The following IQSEC1 variants were observed in gnomAD, a reference collection of about 807,000 sequenced individuals.
IQSEC1 encodes the protein IQ motif and Sec7 domain ArfGEF 1, also known as IQ motif and SEC7 domain-containing protein 1.
A neutral mutation model predicts 91.0 loss-of-function variants in IQSEC1; 31 were observed. The ratio of observed to expected loss-of-function variants is 0.34; its 90% CI spans 0.26 to 0.46. The LOEUF (loss-of-function observed/expected upper bound fraction) is 0.46. Ranked by LOEUF, IQSEC1 falls within the 20% of genes least tolerant of loss-of-function variation. The pLI is 1.00. For missense variants in IQSEC1, 1,388 were observed against 1,575.6 expected (o/e 0.88, Z 2.02); for synonymous variants, 699 against 662.6 (o/e 1.05, Z -0.84).
intron 1 of IQSEC1, among the ~76,000 whole-genome samples, chr3:13,030,351 T>TA (rs1703798820): frequency 6.6e-6 from 1 of 152,212 alleles, no homozygotes; most frequent in African/African-American, 2.4e-5. Context: ...CCTCCTGCCT[T>TA]GGCCTCCCAA....
At position 13,073,018 on chromosome 3, in the gene IQSEC1, G is replaced by C; in HGVS notation, c.-4C>G. ...AATAGCGTCTTCTGCAAGCCATCCT[G>C]TGTGAATCCGTTCTTCCCTGTTCTG... On this transcript the variant is annotated 5_prime_UTR_variant, in exon 1 of 14. Coordinates refer to ENST00000613206, the MANE Select transcript of IQSEC1 (RefSeq NM_001134382.3). The C allele has an allele frequency of 6.4e-7, 1 of 1,551,758 alleles. No individual in the cohort carries two copies. The highest frequency in any genetic ancestry group is 8.7e-7 in the Non-Finnish European group (1 of 1,146,986).
At position 12,983,519 on chromosome 3, in the gene IQSEC1, C is replaced by T. The variant is rs1576109971; in HGVS notation, c.24-41654G>A. 6.6e-6 allele frequency among the ~76,000 whole-genome samples: 1 copy of T among 152,184 alleles called. No individual in the cohort carries two copies. Among genetic ancestry groups the T allele is most frequent in the African/African-American group, 2.4e-5 (1 of 41,440 alleles). On this transcript the variant is annotated intron_variant, in intron 1 of 13. Transcript: ENST00000613206. The surrounding 1 kb of genome is among the most constrained non-coding windows in gnomAD (Gnocchi z 4.3). ...TGCTGGAGAACTGCAGCCTGGCCTT[C>T]CTAGCCCCGAGACAGAGCGGCCAGG...
intron 2 of IQSEC1, among the ~76,000 whole-genome samples, chr3:13,094,641 TAC>T (rs528559942): frequency 6.6e-4 from 100 of 152,244 alleles, no homozygotes; most frequent in African/African-American, 2.1e-3. Context: ...CCCCTCATAA[TAC>T]AGTTGTGGAA....
At chr3:13,254,724 C>T (rs1695256850) in intron 1 of IQSEC1, among the ~76,000 whole-genome samples, 1 of 152,238 alleles carries the variant, frequency 6.6e-6, no homozygotes. Context: ...GGTTCTACCA[C>T]TCTACTGCCC....
chr3:12,941,959 G>A, intron 1 of IQSEC1, 94 bp from the exon 2 acceptor site: 2 of 1,193,520 alleles, frequency 1.7e-6, no homozygotes, highest in Non-Finnish European at 2.3e-6. Context: ...GCTCCTGGAG[G>A]AGCCCCCATG....
At chr3:13,138,842 G>T (rs1409585141) in intron 2 of IQSEC1, among the ~76,000 whole-genome samples, 1 of 151,806 alleles carries the variant, frequency 6.6e-6, no homozygotes, top group Non-Finnish European at 1.5e-5. Context: ...TCCCAGCTGG[G>T]AAGAACCTTC....
At chr3:13,088,381 A>G (rs981894329) in intron 2 of IQSEC1, among the ~76,000 whole-genome samples, 3 of 152,060 alleles carry the variant, frequency 2.0e-5, no homozygotes, top group African/African-American at 7.2e-5. Flanking sequence ...CACATCTATG[A>G]GAGCACAAGC....
chr3:13,026,631 T>C (rs1022875317), intron 1 of IQSEC1, among the ~76,000 whole-genome samples: 2 of 152,190 alleles, frequency 1.3e-5, no homozygotes, highest in Admixed American at 6.5e-5. Flanking sequence ...GCGTATAAAC[T>C]AGATCATTTC....
intron 1 of IQSEC1, among the ~76,000 whole-genome samples, chr3:12,953,318 G>A (rs1699684675): frequency 6.6e-6 from 1 of 152,232 alleles, no homozygotes. Flanking sequence ...GAGGCTGATT[G>A]TCCGGTTGCC....
rs35541458 is a variant in IQSEC1, at chr3:13,012,964, C to CTTTTTTTTTTTTTTT, written c.23+60013_23+60027dup. Among the ~76,000 whole-genome samples, 193 of 97,498 alleles carry CTTTTTTTTTTTTTTT rather than the reference C, an allele frequency of 2.0e-3. 31 individuals are homozygous for CTTTTTTTTTTTTTTT. The highest frequency in any genetic ancestry group is 5.5e-3 in the African/African-American group (116 of 21,270). The allele number at this position is 97,498 out of a possible 152,430, so 64.0% of individuals were successfully genotyped here. A position where few individuals can be genotyped will look rare whatever the true frequency, so the allele number is the denominator to read the frequency against. ...ACAGAAACTCCCATGAAAGTCTGGG[C>CTTTTTTTTTTTTTTT]TTTTTTTTTTTTTTTTGAGACAGTC... On this transcript the variant is annotated intron_variant, in intron 1 of 13. Coordinates refer to ENST00000613206, the MANE Select transcript of IQSEC1 (RefSeq NM_001134382.3).
intron 2 of IQSEC1, among the ~76,000 whole-genome samples, chr3:13,106,709 G>A (rs888532323): frequency 5.9e-5 from 9 of 152,264 alleles, no homozygotes; most frequent in Middle Eastern, 3.4e-3. Context: ...CTCCTCCTGC[G>A]GCTCCATGGG....
In IQSEC1 at chr3:12,935,348, G is replaced by A. The variant is rs537780981; in HGVS notation, c.1568+100C>T. 230 of 1,199,548 alleles carry A rather than the reference G, an allele frequency of 1.9e-4. No homozygotes were observed. The African/African-American group carries it at 3.0e-3, about 16-fold the overall frequency. 74.3% of individuals were successfully genotyped at this position (1,199,548 alleles called of 1,614,324 possible). On this transcript the variant is annotated intron_variant, in intron 3 of 13. Coordinates refer to ENST00000613206, the MANE Select transcript of IQSEC1 (RefSeq NM_001134382.3). This position sits in a 1 kb window ranked among gnomAD's most constrained non-coding sequence, Gnocchi z 8.0. ...GCTTCCTATGCTCATAGGCCACGGT[G>A]GACCTCAAGCTCCGTGCTTGGAAGG... is the stretch of plus-strand genomic sequence containing the variant.
chr3:13,006,340 G>A (rs968037796), intron 1 of IQSEC1, among the ~76,000 whole-genome samples: 4 of 152,236 alleles, frequency 2.6e-5, no homozygotes, highest in Non-Finnish European at 4.4e-5. Flanking sequence ...ATTGGGGCAC[G>A]TGGAGGGAAC....
intron 1 of IQSEC1, among the ~76,000 whole-genome samples, chr3:13,006,671 G>GC (rs1370870933): frequency 6.6e-6 from 1 of 152,230 alleles, no homozygotes; most frequent in Admixed American, 6.5e-5. Flanking sequence ...CGCGCACACA[G>GC]CCCCCACTCT....
chr3:13,058,334 C>A (rs188287522), intron 1 of IQSEC1, among the ~76,000 whole-genome samples: 5 of 152,348 alleles, frequency 3.3e-5, no homozygotes, highest in African/African-American at 1.2e-4. Flanking sequence ...GGGCTGGGCA[C>A]TTCCATACAA....
chr3:13,205,183 T>G (rs1042536636), intron 1 of IQSEC1, among the ~76,000 whole-genome samples: 2 of 151,932 alleles, frequency 1.3e-5, no homozygotes, highest in Non-Finnish European at 2.9e-5. Flanking sequence ...CCAGCGCACA[T>G]CTCCCACCCC....
chr3:12,982,403 A>ATC (rs1701509470), intron 1 of IQSEC1, among the ~76,000 whole-genome samples: 1 of 152,244 alleles, frequency 6.6e-6, no homozygotes, highest in Non-Finnish European at 1.5e-5. Flanking sequence ...GCCTCAGTCT[A>ATC]TCCACCAACA....
chr3:13,027,014 C>T (rs570051122), intron 1 of IQSEC1, among the ~76,000 whole-genome samples: 107 of 152,196 alleles, frequency 7.0e-4, no homozygotes, highest in African/African-American at 2.4e-3. Context: ...AAATAAATCA[C>T]TTGTCATTTA....
chr3:12,935,972 C>T lies in IQSEC1; in HGVS notation c.1044G>A (p.Thr348=), dbSNP rs771886534. 1.9e-6 allele frequency: 3 copies of T among 1,599,030 alleles called. No homozygotes were observed. The highest frequency in any genetic ancestry group is 2.7e-5 in the African/African-American group (2 of 74,910). ...GCTGCTCCTGCCGCTCCAGCGACGG[C>T]GTGCTCCGGCAGCTCGTGTCCGTGT... ...KADTDTSCRS[T]PSLERQEQRL... Residue 348 remains threonine (T), a synonymous_variant, in exon 3 of 14, where the codon ACG becomes ACA. Coordinates refer to ENST00000613206, the MANE Select transcript of IQSEC1 (RefSeq NM_001134382.3). This position sits in a 1 kb window ranked among gnomAD's most constrained non-coding sequence, Gnocchi z 8.0.
Sources: allele counts gnomAD v4.1 joint callset (sites outside exome capture counted in the v4.1 genomes callset), GRCh38; gene constraint gnomAD v4.1.1; non-coding constraint Gnocchi (gnomAD v3.1); transcripts MANE v1.5; gene names NCBI Gene and HGNC (gene_info 2026-07-23, HGNC 2026-07-21).